Variants in DLC1 observed in about 807,000 individuals in gnomAD.
The protein encoded by DLC1 is rho GTPase-activating protein 7.
DLC1 carries 54 observed loss-of-function variants against 140.3 expected under a neutral mutation model. The ratio of observed to expected loss-of-function variants is 0.38; its 90% CI spans 0.31 to 0.48. DLC1 has a LOEUF of 0.48. Among genes scored for constraint, DLC1 ranks in the 20% least tolerant of loss-of-function variants. The probability of loss-of-function intolerance (pLI) is 0.96; values close to 1 mark genes in which losing one functional copy is unlikely to be tolerated. For synonymous variants in DLC1, 986 were observed against 728.1 expected (o/e 1.35, Z -5.70); for missense variants, 2,536 against 1,907.0 (o/e 1.33, Z -6.14).
chr8:13,505,899 A>G (rs1260997220), intron 1 of DLC1, among the ~76,000 whole-genome samples: 1 of 152,228 alleles, frequency 6.6e-6, no homozygotes, highest in African/African-American at 2.4e-5. Context: ...ATAGCATTAC[A>G]TTAGTACATG....
At chr8:13,423,102 A>G (rs1838389798) in intron 2 of DLC1, among the ~76,000 whole-genome samples, 1 of 152,180 alleles carries the variant, frequency 6.6e-6, no homozygotes, top group Non-Finnish European at 1.5e-5. Flanking sequence ...ACAACTAAAC[A>G]CAAAAGAGTC....
At chr8:13,570,913 G>A (rs905630427) in intron 1 of DLC1, among the ~76,000 whole-genome samples, 2 of 152,166 alleles carry the variant, frequency 1.3e-5, no homozygotes, top group African/African-American at 2.4e-5. Context: ...GTCCTGCCAG[G>A]GTTAACTCTT....
rs574791553 is a variant in DLC1 at position 13,189,179 on chromosome 8, C to T, written c.1349-73522G>A. 4.5e-4 allele frequency among the ~76,000 whole-genome samples: 68 copies of T among 152,154 alleles called. 1 individual carries two copies. The South Asian group carries it at 0.014, about 31-fold the overall frequency. ...TCTGCGGAAAGCTTTTATGTAAGGT[C>T]ATTCAACAATAGAGGCTAAAATAGC... On this transcript the variant is annotated intron_variant, in intron 5 of 17. Transcript: ENST00000276297.
chr8:13,164,316 A>G lies in DLC1; in HGVS notation c.1349-48659T>C, dbSNP rs557192857. ...TCTCTCAAAAAAAAAAAATCTCTAT[A>G]TCTATCTATCTATCTGTCTGTCTGT... On this transcript the variant is annotated intron_variant, in intron 5 of 17. Transcript: ENST00000276297. Among the ~76,000 whole-genome samples the G allele has an allele frequency of 4.1e-5, 6 of 147,350 alleles. No homozygotes were observed. In the South Asian group the frequency reaches 6.5e-4, roughly 16 times the overall value.
At chr8:13,312,983 T>G (rs1383847519) in intron 4 of DLC1, among the ~76,000 whole-genome samples, 1 of 152,148 alleles carries the variant, frequency 6.6e-6, no homozygotes, top group Non-Finnish European at 1.5e-5. Flanking sequence ...AACTAGCAAT[T>G]TATCTCCCCT....
chr8:13,357,244 C>G (rs1371694039), intron 4 of DLC1, among the ~76,000 whole-genome samples: 3 of 152,072 alleles, frequency 2.0e-5, no homozygotes. Flanking sequence ...GCACTCCAGC[C>G]TGGGCAACAG....
At chr8:13,237,813 C>T (rs1369318477) in intron 5 of DLC1, among the ~76,000 whole-genome samples, 3 of 151,918 alleles carry the variant, frequency 2.0e-5, no homozygotes. Context: ...ATCTCCAGAC[C>T]AGAGAATATG....
chr8:13,205,040 C>T (rs1027024357), intron 5 of DLC1, among the ~76,000 whole-genome samples: 1 of 151,926 alleles, frequency 6.6e-6, no homozygotes, highest in Admixed American at 6.6e-5. Flanking sequence ...TTTTGCAATC[C>T]CATGTTAAAA....
intron 5 of DLC1, among the ~76,000 whole-genome samples, chr8:13,130,266 A>G (rs1370014745): frequency 6.6e-6 from 1 of 152,254 alleles, no homozygotes. Context: ...TCTGATTGGA[A>G]GGCATCTCAA....
chr8:13,206,634 T>G (rs541496398), intron 5 of DLC1, among the ~76,000 whole-genome samples: 1 of 152,112 alleles, frequency 6.6e-6, no homozygotes, highest in Admixed American at 6.6e-5. Context: ...GCAAAATTAA[T>G]AAACGAGCTA....
At chr8:13,401,003 T>C (rs1324419401) in intron 3 of DLC1, among the ~76,000 whole-genome samples, 1 of 152,202 alleles carries the variant, frequency 6.6e-6, no homozygotes, top group Admixed American at 6.5e-5. Flanking sequence ...GTTAATCTCA[T>C]CTAAATTGTT....
At chr8:13,188,818 TATATATATGTATATATATATATATA>T (rs1563149644) in intron 5 of DLC1, among the ~76,000 whole-genome samples, 9 of 64,168 alleles carry the variant, frequency 1.4e-4, no homozygotes, top group East Asian at 2.4e-3. Flanking sequence ...TATATATATA[TATATATATGTATATATATATATATA>T]TTTTTTTTTT....
intron 1 of DLC1, among the ~76,000 whole-genome samples, chr8:13,564,694 G>C (rs912959921): frequency 6.6e-6 from 1 of 152,186 alleles, no homozygotes; most frequent in Non-Finnish European, 1.5e-5. Context: ...TCATGAATTT[G>C]TTTTGACTTC....
intron 5 of DLC1, among the ~76,000 whole-genome samples, chr8:13,197,178 A>G (rs539856700): frequency 6.6e-6 from 1 of 152,278 alleles, no homozygotes; most frequent in South Asian, 2.1e-4. Context: ...TCATTGAATG[A>G]TCTTCAAAAT....
intron 1 of DLC1, among the ~76,000 whole-genome samples, chr8:13,503,815 A>T (rs1801928159): frequency 1.3e-5 from 2 of 152,180 alleles, no homozygotes; most frequent in Admixed American, 1.3e-4. Flanking sequence ...TGTGGGAGAA[A>T]CTCCTGTAGA....
At chr8:13,178,945 G>C (rs751150385) in intron 5 of DLC1, among the ~76,000 whole-genome samples, 1 of 152,088 alleles carries the variant, frequency 6.6e-6, no homozygotes, top group Non-Finnish European at 1.5e-5. Context: ...GAAATGTGTC[G>C]ATTTGTTCAC....
chr8:13,140,621 T>C (rs12540976), intron 5 of DLC1, among the ~76,000 whole-genome samples: 22,027 of 152,064 alleles, frequency 0.14, 1,864 homozygotes, highest in South Asian at 0.21. Flanking sequence ...ATGTGCCATT[T>C]CTTATACAAA....
intron 1 of DLC1, among the ~76,000 whole-genome samples, chr8:13,553,935 C>T (rs369689950): frequency 2.0e-5 from 3 of 152,200 alleles, no homozygotes; most frequent in South Asian, 2.1e-4. Context: ...TCTTTGTCTG[C>T]GCCCTTTGCT....
intron 5 of DLC1, among the ~76,000 whole-genome samples, chr8:13,165,612 C>A (rs1395871476): frequency 1.3e-5 from 2 of 152,188 alleles, no homozygotes; most frequent in Non-Finnish European, 2.9e-5. Flanking sequence ...AAAGATTTGG[C>A]CAGGATCCCT....
Sources: gnomAD v4.1 joint callset for allele counts (sites outside exome capture counted in the v4.1 genomes callset) on GRCh38, gnomAD v4.1.1 for gene constraint, MANE v1.5 for transcripts, NCBI Gene and HGNC (gene_info 2026-07-23, HGNC 2026-07-21) for gene names.